Variants in MSR1 observed in about 807,000 individuals in gnomAD.
MSR1 encodes macrophage scavenger receptor types I and II.
Under a neutral mutation model 47.2 loss-of-function variants are expected in MSR1, and 53 were observed. The ratio of observed to expected loss-of-function variants is 1.12; its 90% confidence interval spans 0.90 to 1.41. The LOEUF (loss-of-function observed/expected upper bound fraction) is 1.41. Among genes scored for constraint, MSR1 ranks in the 40% most tolerant of loss-of-function variants. MSR1 has a pLI of 0.00. For synonymous variants in MSR1, 239 were observed against 185.6 expected (o/e 1.29, Z -2.34); for missense variants, 786 against 546.9 (o/e 1.44, Z -4.36).
rs190399687 is a variant in MSR1 at position 16,164,870 on chromosome 8, C to T, written c.631-619G>A. Among the ~76,000 whole-genome samples, 4 of 151,982 alleles carry T rather than the reference C, an allele frequency of 2.6e-5. No homozygotes were observed. The East Asian group carries it at 7.7e-4, about 29-fold the overall frequency. ...ATATTTATACATACACATTCATATA[C>T]TTAAGAGTGTGAAAAAGACAGAGGA... On this transcript the variant is annotated intron_variant, in intron 4 of 9. Coordinates refer to ENST00000262101, the MANE Select transcript of MSR1 (RefSeq NM_138715.3).
rs931292889 is a variant in MSR1, at chr8:16,178,030, G to T, written c.-4-38C>A. ...ATGGAAAAATATATTAATTCCACAT[G>T]AAATGGCTAGGGCTCTTTTGCATAA... is the stretch of plus-strand genomic sequence containing the variant. On this transcript the variant is annotated intron_variant, in intron 1 of 9. Coordinates refer to ENST00000262101, the MANE Select transcript of MSR1 (RefSeq NM_138715.3). 5 of 1,462,788 alleles carry T rather than the reference G, an allele frequency of 3.4e-6. No homozygotes were observed. In the Admixed American group the frequency reaches 6.8e-5, roughly 20 times the overall value. The allele number at this position is 1,462,788 out of a possible 1,614,324, so 90.6% of individuals were successfully genotyped here. A position where few individuals can be genotyped will look rare whatever the true frequency, so the allele number is the denominator to read the frequency against.
In MSR1 at chr8:16,168,447, CA is replaced by C; in HGVS notation, c.630+10del. 6.2e-7 allele frequency: 1 copy of C among 1,614,004 alleles called. No individual in the cohort carries two copies. The highest frequency in any genetic ancestry group is 8.5e-7 in the Non-Finnish European group (1 of 1,179,966). ...TTCCAGCAAGTGACCTTGCAGTCCA[CA>C]AACTCTTACCTCTTGTTGTTTGAAG... On this transcript the variant is annotated intron_variant, in intron 4 of 9. Coordinates refer to ENST00000262101, the MANE Select transcript of MSR1 (RefSeq NM_138715.3).
intron 9 of MSR1, among the ~76,000 whole-genome samples, chr8:16,111,155 T>C (rs1267620767): frequency 6.6e-6 from 1 of 152,116 alleles, no homozygotes; most frequent in Non-Finnish European, 1.5e-5. Context: ...TCCTTATAAG[T>C]ATATAAAGTC....
intron 1 of MSR1, among the ~76,000 whole-genome samples, chr8:16,180,037 T>C (rs972057507): frequency 6.6e-6 from 1 of 151,994 alleles, no homozygotes; most frequent in African/African-American, 2.4e-5. Flanking sequence ...TGACCTCAAG[T>C]CTGCCTCCCA....
chr8:16,141,984 T>C (rs781095478), intron 8 of MSR1, among the ~76,000 whole-genome samples: 13 of 151,936 alleles, frequency 8.6e-5, no homozygotes, highest in Non-Finnish European at 1.8e-4. Flanking sequence ...GGAACTCAGC[T>C]GAAAGTAAAT....
At chr8:16,188,268 T>C (rs560990001) in intron 1 of MSR1, among the ~76,000 whole-genome samples, 43 of 152,192 alleles carry the variant, frequency 2.8e-4, no homozygotes, top group African/African-American at 1.0e-3. Flanking sequence ...TTTGTTTTTA[T>C]TATAAAACAT....
At chr8:16,140,790 A>G in intron 8 of MSR1, 1 of 1,477,246 alleles carries the variant, frequency 6.8e-7, no homozygotes, top group African/African-American at 1.4e-5. Flanking sequence ...TAATTGGAGT[A>G]AGAAGAGGTA....
intron 3 of MSR1, among the ~76,000 whole-genome samples, chr8:16,173,610 G>T (rs1563165798): frequency 6.6e-6 from 1 of 151,860 alleles, no homozygotes. Context: ...GAAGTTAATT[G>T]TTACCTCTAG....
intron 5 of MSR1, among the ~76,000 whole-genome samples, chr8:16,161,436 A>G (rs1801160691): frequency 6.6e-6 from 1 of 151,998 alleles, no homozygotes; most frequent in Non-Finnish European, 1.5e-5. Context: ...TAACTGTTAG[A>G]GAAAAATCTG....
At chr8:16,157,282 C>A (rs576389664) in intron 5 of MSR1, among the ~76,000 whole-genome samples, 1 of 151,838 alleles carries the variant, frequency 6.6e-6, no homozygotes, top group Non-Finnish European at 1.5e-5. Context: ...TACTAACTAT[C>A]CTTTCAATTA....
intron 3 of MSR1, among the ~76,000 whole-genome samples, chr8:16,172,293 T>A (rs1415826156): frequency 1.3e-5 from 2 of 152,156 alleles, no homozygotes; most frequent in Non-Finnish European, 2.9e-5. Context: ...TATTTTTAAT[T>A]TGACAACAAG....
At chr8:16,175,365 T>C (rs1563166905) in intron 2 of MSR1, 65 bp from the exon 3 acceptor site, 14 of 1,298,622 alleles carry the variant, frequency 1.1e-5, no homozygotes, top group Non-Finnish European at 1.4e-5. Flanking sequence ...ATTAAAATTG[T>C]TTTAATCTCC....
intron 1 of MSR1, among the ~76,000 whole-genome samples, chr8:16,187,701 T>G (rs1802043623): frequency 6.6e-6 from 1 of 152,142 alleles, no homozygotes; most frequent in Admixed American, 6.6e-5. Context: ...CTGGATTTTA[T>G]ATCTTAGGTT....
At chr8:16,135,469 T>A (rs1443130417) in intron 8 of MSR1, among the ~76,000 whole-genome samples, 2 of 152,042 alleles carry the variant, frequency 1.3e-5, no homozygotes. Context: ...AGAAAAAAAA[T>A]CCTTTTAAAA....
chr8:16,188,165 A>G (rs931365064), intron 1 of MSR1, among the ~76,000 whole-genome samples: 1 of 152,186 alleles, frequency 6.6e-6, no homozygotes, highest in African/African-American at 2.4e-5. Context: ...TTTCTGTAAT[A>G]TCAGCATTTT....
intron 9 of MSR1, among the ~76,000 whole-genome samples, chr8:16,117,389 G>A (rs1563137988): frequency 6.6e-6 from 1 of 152,134 alleles, no homozygotes; most frequent in African/African-American, 2.4e-5. Flanking sequence ...TTAGCAGAGA[G>A]GTGTGACGGC....
At chr8:16,129,242 AT>A (rs1180300109) in intron 8 of MSR1, among the ~76,000 whole-genome samples, 1 of 152,156 alleles carries the variant, frequency 6.6e-6, no homozygotes, top group Admixed American at 6.6e-5. Flanking sequence ...TCACATTAGA[AT>A]TCCTTTATAT....
At chr8:16,113,290 CT>C (rs1204213104) in intron 9 of MSR1, among the ~76,000 whole-genome samples, 2 of 151,946 alleles carry the variant, frequency 1.3e-5, no homozygotes, top group Admixed American at 1.3e-4. Flanking sequence ...ACTGATATTT[CT>C]TTGGGGGATT....
At chr8:16,134,388 T>G (rs56892412) in intron 8 of MSR1, among the ~76,000 whole-genome samples, 26,665 of 152,000 alleles carry the variant, frequency 0.18, 2,641 homozygotes, top group South Asian at 0.32. Context: ...GAAGACCCCT[T>G]GCATTTGTTA....
Sources: allele counts gnomAD v4.1 joint callset (sites outside exome capture counted in the v4.1 genomes callset), GRCh38; gene constraint gnomAD v4.1.1; transcripts MANE v1.5; gene names NCBI Gene and HGNC (gene_info 2026-07-23, HGNC 2026-07-21).